The following MELTF variants were observed in gnomAD, a reference collection of about 807,000 sequenced individuals.
MELTF encodes the protein antigen p97 (melanoma associated) identified by monoclonal antibodies 133.2 and 96.5.
MELTF carries 67 observed loss-of-function variants against 83.7 expected under a neutral mutation model. That is an observed-to-expected ratio of 0.80 (90% CI 0.66 to 0.98). The LOEUF is 0.98. MELTF is among the 50% of genes least tolerant of loss of function. The probability of loss-of-function intolerance (pLI) is 0.00; values close to 1 mark genes in which losing one functional copy is unlikely to be tolerated. For synonymous variants in MELTF, 462 were observed against 447.6 expected, an observed-to-expected ratio of 1.03 and a Z score of -0.41; for missense variants, 1,002 against 1,035.6, an observed-to-expected ratio of 0.97 and a Z score of 0.44.
chr3:197,009,118 G>A (rs1311839948), intron 11 of MELTF, among the ~76,000 whole-genome samples, 153 bp from the exon 12 acceptor site: 1 of 152,202 alleles, frequency 6.6e-6, no homozygotes, highest in Non-Finnish European at 1.5e-5. Flanking sequence ...TGAGTGGAGT[G>A]TCTCCTGGAG....
In MELTF at chr3:197,003,759, C is replaced by G; in HGVS notation, c.2137+142G>C. The G allele has an allele frequency of 3.2e-6, 3 of 934,888 alleles. No individual in the cohort carries two copies. The highest frequency in any genetic ancestry group is 4.7e-6 in the Non-Finnish European group (3 of 637,824). The allele number at this position is 934,888 out of a possible 1,614,324, so 57.9% of individuals were successfully genotyped here. A position where few individuals can be genotyped will look rare whatever the true frequency, so the allele number is the denominator to read the frequency against. ...GGCCCGCAGCCTCCTGGCCAAAATC[C>G]TCCCGGGACACCCCACCTGGACTGC... is the stretch of plus-strand genomic sequence containing the variant. On this transcript the variant is annotated intron_variant, in intron 15 of 15. Coordinates refer to ENST00000296350, the MANE Select transcript of MELTF (RefSeq NM_005929.6). This position sits in a 1 kb window ranked among gnomAD's most constrained non-coding sequence, Gnocchi z 6.2.
intron 1 of MELTF, 122 bp from the exon 2 acceptor site, chr3:197,028,032 G>T: frequency 8.5e-7 from 1 of 1,179,762 alleles, no homozygotes; most frequent in Non-Finnish European, 1.2e-6. Context: ...CTCTAGGGCA[G>T]CCCTGCCCTC....
chr3:197,021,531 C>A, intron 5 of MELTF, 60 bp from the exon 6 acceptor site: 1 of 1,519,606 alleles, frequency 6.6e-7, no homozygotes, highest in Non-Finnish European at 9.1e-7. Context: ...CCATCTTCCA[C>A]CTCTGGAGGC....
rs1478457811 is a variant in MELTF, at chr3:197,026,748, A to G, written c.216T>C (p.Ala72=). ...HCVQLIAAQE[A]DAITLDGGAI... The stretch of plus-strand genomic sequence containing the variant: ...CTCCTCCATCCAGAGTGATGGCGTC[A>G]GCCTCCTGGGCCTGCAAGGAAATGT... Residue 72 remains alanine (A), a synonymous_variant, in exon 3 of 16, where the codon GCT becomes GCC. Transcript: ENST00000296350. The G allele has an allele frequency of 1.2e-6, 2 of 1,612,384 alleles. No homozygotes were observed. The highest frequency in any genetic ancestry group is 1.7e-5 in the Admixed American group (1 of 60,030).
intron 14 of MELTF, among the ~76,000 whole-genome samples, chr3:197,004,948 G>A (rs1290377754): frequency 6.6e-6 from 1 of 152,190 alleles, no homozygotes; most frequent in Admixed American, 6.5e-5. Flanking sequence ...GAAGCCCAGG[G>A]ACCCAGAGTA....
At chr3:197,013,700 C>T (rs942823411) in intron 9 of MELTF, among the ~76,000 whole-genome samples, 2 of 152,154 alleles carry the variant, frequency 1.3e-5, no homozygotes, top group Non-Finnish European at 2.9e-5. Flanking sequence ...AACTTAAAAA[C>T]GGGCAAATGA....
At chr3:197,013,656 G>A (rs1447409871) in intron 9 of MELTF, among the ~76,000 whole-genome samples, 2 of 152,184 alleles carry the variant, frequency 1.3e-5, no homozygotes, top group Non-Finnish European at 1.5e-5. Context: ...GAATACACAT[G>A]CAACGGAAAC....
intron 8 of MELTF, 46 bp from the exon 9 acceptor site, chr3:197,015,562 T>TATGG: frequency 6.4e-7 from 1 of 1,567,718 alleles, no homozygotes; most frequent in Non-Finnish European, 8.7e-7. Context: ...AGTACTGCCA[T>TATGG]GGAAGAGCAT....
chr3:197,029,687 CG>C lies in MELTF; in HGVS notation c.15del (p.Ser5ArgfsTer35). Reference protein sequence around the residue: MRGPSGALWLLLALR... With the variant: MRGPXGALWLLLALR... Reference sequence around the variant, plus strand: ...AGAGCCAGGAGCAGCCACAGAGCCCCGCTCGGACCCCGCATGGCGCCGTCGG... The same window carrying C: ...AGAGCCAGGAGCAGCCACAGAGCCCCCTCGGACCCCGCATGGCGCCGTCGG... On this transcript the variant is annotated frameshift_variant, in exon 1 of 16. Coordinates refer to ENST00000296350, the MANE Select transcript of MELTF (RefSeq NM_005929.6). LOFTEE classifies it high-confidence loss of function. The surrounding 1 kb of genome is among the most constrained non-coding windows in gnomAD (Gnocchi z 6.5). 8.0e-7 allele frequency: 1 copy of C among 1,244,600 alleles called. No homozygotes were observed. 77.1% of individuals were successfully genotyped at this position (1,244,600 alleles called of 1,614,324 possible).
Position 197,024,442 on chromosome 3 carries a change from G to C in MELTF, c.348C>G (p.Ser116Arg). ...TCAGGGTGTCAATGGTCACATGGGAGCTCCTCCTGACCACAGCCACGGCGT... is the reference window on the plus strand; with the variant it reads ...TCAGGGTGTCAATGGTCACATGGGACCTCCTCCTGACCACAGCCACGGCGT... ...SYYAVAVVRR[S>R]SHVTIDTLKG... Residue 116 changes from serine (S) to arginine (R), a missense_variant, in exon 4 of 16, where the codon AGC becomes AGG. By Grantham distance (110) the Ser-to-Arg change is moderately radical (BLOSUM62 -1). Coordinates refer to ENST00000296350, the MANE Select transcript of MELTF (RefSeq NM_005929.6). This position sits in a 1 kb window ranked among gnomAD's most constrained non-coding sequence, Gnocchi z 5.3. The C allele has an allele frequency of 6.2e-7, 1 of 1,607,484 alleles. No individual in the cohort carries two copies. Among genetic ancestry groups the C allele is most frequent in the South Asian group, 1.1e-5 (1 of 90,732 alleles).
In MELTF at chr3:197,003,463, C is replaced by A; in HGVS notation, c.2138-12G>T. The A allele has an allele frequency of 9.7e-7, 1 of 1,028,520 alleles. No individual in the cohort carries two copies. Among genetic ancestry groups the A allele is most frequent in the East Asian group, 7.0e-5 (1 of 14,294 alleles). The allele number at this position is 1,028,520 out of a possible 1,614,324, so 63.7% of individuals were successfully genotyped here. ...GGGCGCCGGGGCCGCTGGGGACGAACGCGGCGGGTCAGGCCCCGAAGCCCG... is the reference window on the plus strand; with the variant it reads ...GGGCGCCGGGGCCGCTGGGGACGAAAGCGGCGGGTCAGGCCCCGAAGCCCG... On this transcript the variant is annotated splice_polypyrimidine_tract_variant and intron_variant, in intron 15 of 15. Coordinates refer to ENST00000296350, the MANE Select transcript of MELTF (RefSeq NM_005929.6). The surrounding 1 kb of genome is among the most constrained non-coding windows in gnomAD (Gnocchi z 6.2).
chr3:197,006,566 G>A lies in MELTF; in HGVS notation c.1921C>T (p.Leu641=), dbSNP rs2108954606. 1.9e-6 allele frequency: 3 copies of A among 1,613,590 alleles called. No individual in the cohort carries two copies. The highest frequency in any genetic ancestry group is 2.5e-6 in the Non-Finnish European group (3 of 1,179,728). ...TGGCTCACCTGGGCCTTGTCCAGCA[G>A]TCCATACACGGTGAAGATGTTGGTG... The part of the protein sequence containing the change: ...PDTNIFTVYG[L]LDKAQDLFGD... The change falls in exon 14 of 16, where the codon CTG becomes TTG. Residue 641 remains leucine, a synonymous_variant. Transcript: ENST00000296350. The surrounding 1 kb of genome is among the most constrained non-coding windows in gnomAD (Gnocchi z 5.4).
At chr3:197,017,703 C>A (rs919019567) in intron 6 of MELTF, among the ~76,000 whole-genome samples, 3 of 151,856 alleles carry the variant, frequency 2.0e-5, no homozygotes, top group Non-Finnish European at 4.4e-5. Context: ...CGGTGAAACC[C>A]CATCTCTACT....
Position 197,003,942 on chromosome 3 carries a change from G to C in MELTF, c.2096C>G (p.Ala699Gly). The C allele has an allele frequency of 6.2e-7, 1 of 1,614,030 alleles. No homozygotes were observed. Among genetic ancestry groups the C allele is most frequent in the Non-Finnish European group, 8.5e-7 (1 of 1,180,020 alleles). Residue 699 changes from alanine to glycine, a missense_variant, in exon 15 of 16, where the codon GCG becomes GGG. By Grantham distance (60) the Ala-to-Gly change is moderately conservative. Transcript: ENST00000296350. The surrounding 1 kb of genome is among the most constrained non-coding windows in gnomAD (Gnocchi z 6.2). ...CTGAGACGACATCCCTTCCAGCGCC[G>C]CCACGTAGTCCAGCCCCAGCCAGCC... ...YRGWLGLDYVAALEGMSSQQC... is the reference protein window; with the variant it reads ...YRGWLGLDYVGALEGMSSQQC...
intron 4 of MELTF, 115 bp from the exon 5 acceptor site, chr3:197,023,228 A>T: frequency 9.4e-7 from 1 of 1,063,724 alleles, no homozygotes; most frequent in East Asian, 2.6e-5. Flanking sequence ...GAATGGTTCC[A>T]CCTTCCAGCT....
intron 9 of MELTF, among the ~76,000 whole-genome samples, chr3:197,015,064 G>A (rs1719311750): frequency 6.6e-6 from 1 of 152,212 alleles, no homozygotes; most frequent in Non-Finnish European, 1.5e-5. Flanking sequence ...CTGGGCCAGC[G>A]CTTCTTCTGC....
chr3:197,006,528 G>A lies in MELTF; in HGVS notation c.1938+21C>T, dbSNP rs1251769558. ...ACCTCTGCTGCACACCCCTCAATGA[G>A]GTAGCCCCACCCTGGCTCACCTGGG... On this transcript the variant is annotated intron_variant, in intron 14 of 15. Transcript: ENST00000296350. The surrounding 1 kb of genome is among the most constrained non-coding windows in gnomAD (Gnocchi z 5.4). 9 of 1,606,466 alleles carry A rather than the reference G, an allele frequency of 5.6e-6. No individual in the cohort carries two copies. The East Asian group carries it at 1.6e-4, about 28-fold the overall frequency.
intron 2 of MELTF, 27 bp from the exon 3 acceptor site, chr3:197,026,786 C>T (rs756890813): frequency 3.7e-6 from 6 of 1,602,084 alleles, no homozygotes; most frequent in African/African-American, 2.7e-5. Context: ...CTCAGCCAAG[C>T]CTGGCCCAGC....
chr3:197,015,628 AT>A, intron 8 of MELTF, 112 bp from the exon 9 acceptor site: 1 of 1,232,520 alleles, frequency 8.1e-7, no homozygotes. Flanking sequence ...TGTGGCTGGG[AT>A]AAGTTATTTA....
Sources: gnomAD v4.1 joint callset for allele counts (sites outside exome capture counted in the v4.1 genomes callset) on GRCh38, gnomAD v4.1.1 for gene constraint, Gnocchi (gnomAD v3.1) non-coding constraint, MANE v1.5 for transcripts, NCBI Gene and HGNC (gene_info 2026-07-23, HGNC 2026-07-21) for gene names.